Variants in PDE4A observed in about 807,000 individuals in gnomAD.
PDE4A encodes the protein 3',5'-cyclic-AMP phosphodiesterase 4A.
Under a neutral mutation model 73.9 loss-of-function variants are expected in PDE4A, and 21 were observed. That is an observed-to-expected ratio of 0.28 (90% CI 0.20 to 0.41). PDE4A has a LOEUF of 0.41. Ranked by LOEUF, PDE4A falls within the 10% of genes least tolerant of loss-of-function variation. The pLI, the probability that PDE4A is intolerant of heterozygous loss-of-function variation, is 1.00. For missense variants in PDE4A, 958 were observed against 1,211.4 expected (o/e 0.79, Z 3.10); for synonymous variants, 463 against 505.4 (o/e 0.92, Z 1.13).
intron 1 of PDE4A, chr19:10,430,940 G>T: frequency 6.6e-7 from 1 of 1,522,090 alleles, no homozygotes; most frequent in Non-Finnish European, 8.8e-7. Flanking sequence ...TCCTGCCCGA[G>T]CCCCTGGCCC....
At chr19:10,462,279 CG>C in intron 13 of PDE4A, among the ~76,000 whole-genome samples, 2 of 151,950 alleles carry the variant, frequency 1.3e-5, no homozygotes. Flanking sequence ...CTCAGCCTGC[CG>C]AGTAGCTGGG....
At chr19:10,443,899 C>T (rs544772453) in intron 1 of PDE4A, among the ~76,000 whole-genome samples, 10 of 148,306 alleles carry the variant, frequency 6.7e-5, no homozygotes, top group African/African-American at 2.0e-4. Context: ...CCCAGCTACT[C>T]GGGAGGCTGA....
chr19:10,417,004 G>A (rs771593670), upstream of PDE4A: 41 of 1,537,568 alleles, frequency 2.7e-5, no homozygotes, highest in Non-Finnish European at 3.1e-5. Flanking sequence ...CGAGAGGAGG[G>A]GCTTGGGCTA....
intron 1 of PDE4A, among the ~76,000 whole-genome samples, chr19:10,423,547 A>C (rs935852347): frequency 2.0e-5 from 3 of 152,140 alleles, no homozygotes; most frequent in African/African-American, 7.2e-5. Flanking sequence ...ATTCCTGTGC[A>C]TCTTTGTATA....
chr19:10,454,680 C>A, intron 6 of PDE4A, 149 bp from the exon 7 acceptor site: 1 of 1,375,916 alleles, frequency 7.3e-7, no homozygotes, highest in Non-Finnish European at 9.8e-7. Context: ...CTGACCCCAA[C>A]CCCCCAGCAG....
chr19:10,426,478 C>G (rs1431916158), intron 1 of PDE4A, among the ~76,000 whole-genome samples: 1 of 152,084 alleles, frequency 6.6e-6, no homozygotes, highest in Non-Finnish European at 1.5e-5. Context: ...AATTCTTCGC[C>G]TTTCAGTGTG....
chr19:10,422,034 G>T (rs928428227), intron 1 of PDE4A, among the ~76,000 whole-genome samples: 3 of 152,124 alleles, frequency 2.0e-5, no homozygotes, highest in Admixed American at 2.0e-4. Context: ...CAGGGTTTGC[G>T]ACAGTGACTG....
intron 1 of PDE4A, among the ~76,000 whole-genome samples, chr19:10,445,106 T>A (rs1258062229): frequency 6.6e-6 from 1 of 152,110 alleles, no homozygotes; most frequent in Non-Finnish European, 1.5e-5. Flanking sequence ...CAGAGTAAGG[T>A]GGGATCCATC....
Position 10,461,688 on chromosome 19 carries a change from G to T in PDE4A, c.1620+8G>T. 6.2e-7 allele frequency: 1 copy of T among 1,612,396 alleles called. No individual in the cohort carries two copies. The highest frequency in any genetic ancestry group is 1.1e-5 in the South Asian group (1 of 91,014). ...AAGATGGTCATCGACATGGTGGGCG[G>T]GGCTGGGGCGGGACGGAGCGGGAAA... On this transcript the variant is annotated splice_region_variant and intron_variant, in intron 12 of 14. Coordinates refer to ENST00000380702, the MANE Select transcript of PDE4A (RefSeq NM_001111307.2).
chr19:10,455,775 A>C (rs76752023), intron 7 of PDE4A, among the ~76,000 whole-genome samples: 1 of 40,806 alleles, frequency 2.5e-5, no homozygotes, highest in Non-Finnish European at 4.2e-5. Flanking sequence ...AAAATAAACA[A>C]AAAAAAAAAG....
rs1246369628 is a variant in PDE4A at position 10,469,327 on chromosome 19, C to A, written c.*1706C>A. The A allele has an allele frequency of 2.6e-5, 4 of 152,228 alleles. No homozygotes were observed. In the East Asian group the frequency reaches 7.5e-4, roughly 29 times the overall value. The allele number at this position is 152,228 out of a possible 1,614,324, so 9.4% of individuals were successfully genotyped here. ...GTCTCCCGTTGGGAGAGTCTCTGTT[C>A]CTGCTGTATTATACAAACTGTACCA... On this transcript the variant is annotated 3_prime_UTR_variant, in exon 15 of 15. Coordinates refer to ENST00000380702, the MANE Select transcript of PDE4A (RefSeq NM_001111307.2).
chr19:10,444,616 T>G (rs1176940722), intron 1 of PDE4A, among the ~76,000 whole-genome samples: 2 of 151,018 alleles, frequency 1.3e-5, no homozygotes, highest in Non-Finnish European at 2.9e-5. Context: ...CCGCTGCAAA[T>G]CTGGGCTGGA....
At chr19:10,444,256 TG>T (rs1207216798) in intron 1 of PDE4A, among the ~76,000 whole-genome samples, 1 of 152,056 alleles carries the variant, frequency 6.6e-6, no homozygotes, top group Non-Finnish European at 1.5e-5. Context: ...GGCCCACACC[TG>T]TAATCCCAGC....
intron 14 of PDE4A, among the ~76,000 whole-genome samples, chr19:10,465,683 CTTTTTTTTTTTTTTT>C (rs749126870): frequency 9.3e-4 from 45 of 48,378 alleles, no homozygotes; most frequent in African/African-American, 3.4e-3. Flanking sequence ...GTGGCTTTAG[CTTTTTTTTTTTTTTT>C]TTTTTTTTTT....
intron 6 of PDE4A, among the ~76,000 whole-genome samples, chr19:10,452,438 CAA>C (rs562410531): frequency 2.3e-5 from 3 of 128,176 alleles, no homozygotes; most frequent in Admixed American, 8.1e-5. Context: ...AACTCCGTCT[CAA>C]AAAAAAAAAA....
intron 14 of PDE4A, among the ~76,000 whole-genome samples, chr19:10,464,656 C>T (rs2043333221): frequency 6.6e-6 from 1 of 151,392 alleles, no homozygotes; most frequent in African/African-American, 2.4e-5. Flanking sequence ...GGGCTCAAAC[C>T]TTGGCCTCCC....
At chr19:10,454,736 A>G in intron 6 of PDE4A, 93 bp from the exon 7 acceptor site, 1 of 1,593,404 alleles carries the variant, frequency 6.3e-7, no homozygotes, top group Admixed American at 1.7e-5. Context: ...GGAGGGACTC[A>G]TGGGGTCTTC....
Position 10,458,146 on chromosome 19 carries a change from C to T in PDE4A, c.1101+44C>T. The T allele has an allele frequency of 6.3e-7, 1 of 1,577,978 alleles. No homozygotes were observed. The highest frequency in any genetic ancestry group is 8.7e-7 in the Non-Finnish European group (1 of 1,149,592). On this transcript the variant is annotated intron_variant, in intron 8 of 14. Transcript: ENST00000380702. This position sits in a 1 kb window ranked among gnomAD's most constrained non-coding sequence, Gnocchi z 4.6. ...GGGGCAGGGCTGGAGGGGGTGGTCT[C>T]CTGGGACCCTGAGAAGGACTGGGCA...
intron 1 of PDE4A, among the ~76,000 whole-genome samples, chr19:10,442,305 C>A (rs2145509147): frequency 6.6e-6 from 1 of 152,252 alleles, no homozygotes; most frequent in Middle Eastern, 3.4e-3. Context: ...GGGCAGATCA[C>A]TTGAGGCCAG....
Sources: allele counts gnomAD v4.1 joint callset (sites outside exome capture counted in the v4.1 genomes callset), GRCh38; gene constraint gnomAD v4.1.1; non-coding constraint Gnocchi (gnomAD v3.1); transcripts MANE v1.5; gene names NCBI Gene and HGNC (gene_info 2026-07-23, HGNC 2026-07-21).